The following FNIP1 variants were observed in gnomAD, a reference collection of about 807,000 sequenced individuals.
FNIP1 encodes folliculin-interacting protein 1.
In FNIP1, 40 loss-of-function variants were observed where a neutral mutation model predicts 124.5. The observed-to-expected ratio is 0.32, with a 90% CI of 0.25 to 0.42. The LOEUF (loss-of-function observed/expected upper bound fraction) is 0.42. FNIP1 is among the 10% of genes least tolerant of loss of function. The pLI is 1.00. For synonymous variants in FNIP1, 472 were observed against 470.6 expected, an observed-to-expected ratio of 1.00 and a Z score of -0.04; for missense variants, 1,176 against 1,403.7, an observed-to-expected ratio of 0.84 and a Z score of 2.59.
intron 13 of FNIP1, among the ~76,000 whole-genome samples, chr5:131,675,858 T>C (rs193078103): frequency 1.1e-4 from 16 of 152,278 alleles, no homozygotes; most frequent in Non-Finnish European, 1.9e-4. Flanking sequence ...GCGAAACTTA[T>C]CAAATTGCTT....
chr5:131,775,947 CTG>C lies in FNIP1; in HGVS notation c.92+20881_92+20882del, dbSNP rs1443102247. Among the ~76,000 whole-genome samples, 4 of 152,196 alleles carry C rather than the reference CTG, an allele frequency of 2.6e-5. No homozygotes were observed. The East Asian group carries it at 7.7e-4, about 29-fold the overall frequency. ...AGTTACTTTCTCTTACCTTTTAAATCTGTGTTTATAGATATGCCACATTTTTA... is the reference window on the plus strand; with the variant it reads ...AGTTACTTTCTCTTACCTTTTAAATCTGTTTATAGATATGCCACATTTTTA... On this transcript the variant is annotated intron_variant, in intron 1 of 17. Coordinates refer to ENST00000510461, the MANE Select transcript of FNIP1 (RefSeq NM_133372.3).
intron 1 of FNIP1, among the ~76,000 whole-genome samples, chr5:131,790,043 G>C (rs1311514574): frequency 6.6e-6 from 1 of 152,156 alleles, no homozygotes; most frequent in Non-Finnish European, 1.5e-5. Context: ...ATCCAAAACA[G>C]AACTTTTGAC....
intron 1 of FNIP1, among the ~76,000 whole-genome samples, chr5:131,786,297 C>T (rs1772214896): frequency 1.3e-5 from 2 of 152,118 alleles, no homozygotes; most frequent in Admixed American, 6.5e-5. Flanking sequence ...AGGCTGTGCC[C>T]TTATAGAACT....
At position 131,785,032 on chromosome 5, in the gene FNIP1, ATATATGATATATATGAC is replaced by A. The variant is rs1561707479; in HGVS notation, c.92+11781_92+11797del. ...ACTATATATATGATATATATGACATATATATGATATATATGACTATATATATCATATATATGATATAT... is the reference window on the plus strand; with the variant it reads ...ACTATATATATGATATATATGACATATATATATATCATATATATGATATAT... On this transcript the variant is annotated intron_variant, in intron 1 of 17. Coordinates refer to ENST00000510461, the MANE Select transcript of FNIP1 (RefSeq NM_133372.3). Among the ~76,000 whole-genome samples, 59 of 65,024 alleles carry A rather than the reference ATATATGATATATATGAC, an allele frequency of 9.1e-4. 2 individuals are homozygous for A. Among genetic ancestry groups the A allele is most frequent in the African/African-American group, 4.6e-3 (58 of 12,674 alleles). 42.7% of individuals were successfully genotyped at this position (65,024 alleles called of 152,430 possible).
At chr5:131,745,605 G>A (rs972772101) in intron 1 of FNIP1, among the ~76,000 whole-genome samples, 6 of 151,878 alleles carry the variant, frequency 4.0e-5, no homozygotes, top group Admixed American at 3.3e-4. Flanking sequence ...TTTAGTATGT[G>A]TATATATATG....
At chr5:131,744,242 TA>T (rs1041052174) in intron 2 of FNIP1, among the ~76,000 whole-genome samples, 2 of 151,174 alleles carry the variant, frequency 1.3e-5, no homozygotes, top group South Asian at 2.1e-4. Context: ...TCGAGATAAT[TA>T]AAAAAAAATC....
intron 16 of FNIP1, among the ~76,000 whole-genome samples, chr5:131,650,220 C>A (rs1580725493): frequency 6.6e-6 from 1 of 152,020 alleles, no homozygotes; most frequent in Non-Finnish European, 1.5e-5. Flanking sequence ...GTAATGATAT[C>A]CTAATAATAT....
intron 1 of FNIP1, among the ~76,000 whole-genome samples, chr5:131,789,267 A>C (rs1464851187): frequency 6.6e-6 from 1 of 152,190 alleles, no homozygotes; most frequent in Admixed American, 6.6e-5. Flanking sequence ...GACGTGTATA[A>C]TCCAATCAAT....
chr5:131,657,757 A>AAC (rs1554091807), intron 15 of FNIP1, among the ~76,000 whole-genome samples: 1 of 149,356 alleles, frequency 6.7e-6, no homozygotes, highest in Non-Finnish European at 1.5e-5. Flanking sequence ...AAAAAAAAAA[A>AAC]ACGGTGGGTG....
chr5:131,679,134 T>A lies in FNIP1; in HGVS notation c.1244A>T (p.Glu415Val). 6.2e-7 allele frequency: 1 copy of A among 1,601,422 alleles called. No homozygotes were observed. The highest frequency in any genetic ancestry group is 8.6e-7 in the Non-Finnish European group (1 of 1,168,976). Residue 415 changes from glutamate (E) to valine (V), a missense_variant, in exon 12 of 18, where the codon GAA (glutamate) becomes GTA (valine). Glu to Val is a moderately radical substitution (Grantham distance 121). Around this residue, in one of 2 missense-constraint regions of FNIP1, gnomAD observed 1,109 missense variants for 1,288.5 expected, o/e 0.86. Transcript: ENST00000510461. ...CGACATCATTGTAAGCCAGACAGGT[T>A]CTCCAATTCGTGGCATCGTGTAAAG... Reference protein sequence around the residue: ...CNLYTMPRIGEPVWLTMMSGT... With the variant: ...CNLYTMPRIGVPVWLTMMSGT...
intron 11 of FNIP1, among the ~76,000 whole-genome samples, chr5:131,692,329 A>C (rs1768509405): frequency 6.6e-6 from 1 of 151,820 alleles, no homozygotes; most frequent in African/African-American, 2.4e-5. Context: ...CCCCCAAAAA[A>C]CATGTATAAA....
chr5:131,710,319 G>A (rs1261669328), intron 7 of FNIP1, among the ~76,000 whole-genome samples: 4 of 152,186 alleles, frequency 2.6e-5, no homozygotes, highest in African/African-American at 9.7e-5. Flanking sequence ...AGATTCTGAA[G>A]TTAAAATCAT....
intron 3 of FNIP1, among the ~76,000 whole-genome samples, chr5:131,727,199 TC>T (rs1769908888): frequency 6.6e-6 from 1 of 152,206 alleles, no homozygotes; most frequent in South Asian, 2.1e-4. Context: ...GTCCTGAACA[TC>T]CTTGTTAATT....
In FNIP1 at chr5:131,748,091, G is replaced by A. The variant is rs1770742875; in HGVS notation, c.93-3401C>T. Among the ~76,000 whole-genome samples, 3 of 151,970 alleles carry A rather than the reference G, an allele frequency of 2.0e-5. No individual in the cohort carries two copies. The South Asian group carries it at 6.2e-4, about 31-fold the overall frequency. On this transcript the variant is annotated intron_variant, in intron 1 of 17. Coordinates refer to ENST00000510461, the MANE Select transcript of FNIP1 (RefSeq NM_133372.3). The stretch of plus-strand genomic sequence containing the variant: ...TGTCAAGCAGGTGAAGGCAAGTAAG[G>A]GAAAGGTGGTAAGATGTGGGGATAG...
chr5:131,761,205 T>G (rs1032514105), intron 1 of FNIP1, among the ~76,000 whole-genome samples: 2 of 152,200 alleles, frequency 1.3e-5, no homozygotes, highest in Non-Finnish European at 2.9e-5. Context: ...ATTTAATTTT[T>G]TGGTCCTACA....
intron 15 of FNIP1, among the ~76,000 whole-genome samples, chr5:131,662,630 G>A (rs1280627834): frequency 6.6e-6 from 1 of 151,492 alleles, no homozygotes; most frequent in Non-Finnish European, 1.5e-5. Flanking sequence ...TTTAATACTT[G>A]TGGAACTTTT....
Position 131,730,707 on chromosome 5 carries a change from T to C in FNIP1, c.354+197A>G, listed in dbSNP as rs562122767. Among the ~76,000 whole-genome samples, 10 of 152,340 alleles carry C rather than the reference T, an allele frequency of 6.6e-5. No individual in the cohort carries two copies. The East Asian group carries it at 1.9e-3, about 29-fold the overall frequency. ...ATAAGGAGAAAATACTCATGCAATC[T>C]ATGCCTATAGCTTTCTACTTCTCCT... On this transcript the variant is annotated intron_variant, in intron 3 of 17. Coordinates refer to ENST00000510461, the MANE Select transcript of FNIP1 (RefSeq NM_133372.3).
intron 1 of FNIP1, among the ~76,000 whole-genome samples, chr5:131,770,799 G>A (rs1771604633): frequency 6.6e-6 from 1 of 152,084 alleles, no homozygotes; most frequent in South Asian, 2.1e-4. Flanking sequence ...TCTCCAAAGT[G>A]ATTATCACGT....
chr5:131,678,247 C>T (rs547998709), intron 12 of FNIP1, among the ~76,000 whole-genome samples: 123 of 152,112 alleles, frequency 8.1e-4, no homozygotes, highest in Non-Finnish European at 1.4e-3. Context: ...AATGGGAAAA[C>T]GAGGCAAAGT....
Sources: gnomAD v4.1 joint callset for allele counts (sites outside exome capture counted in the v4.1 genomes callset) on GRCh38, gnomAD v4.1.1 for gene constraint, gnomAD v4.1.1 regional missense constraint, MANE v1.5 for transcripts, NCBI Gene and HGNC (gene_info 2026-07-23, HGNC 2026-07-21) for gene names.